The following CNTNAP4 variants were observed in gnomAD, a reference collection of about 807,000 sequenced individuals.
CNTNAP4 encodes contactin associated protein family member 4, also known as contactin-associated protein-like 4.
In CNTNAP4, 98 loss-of-function variants were observed where a neutral mutation model predicts 148.4. The ratio of observed to expected loss-of-function variants is 0.66; its 90% CI spans 0.56 to 0.78. The LOEUF is 0.78. Among genes scored for constraint, CNTNAP4 ranks in the 30% least tolerant of loss-of-function variants. The pLI is 0.00. For synonymous variants in CNTNAP4, 730 were observed against 565.1 expected (o/e 1.29, Z -4.14); for missense variants, 1,935 against 1,565.6 (o/e 1.24, Z -3.98).
chr16:76,372,400 G>T (rs754690680), intron 3 of CNTNAP4, among the ~76,000 whole-genome samples: 1 of 151,124 alleles, frequency 6.6e-6, no homozygotes, highest in Non-Finnish European at 1.5e-5. Flanking sequence ...TGCCCGCCTC[G>T]GCCTCCCAAA....
chr16:76,533,700 A>C (rs189855653), intron 17 of CNTNAP4, among the ~76,000 whole-genome samples: 155 of 152,254 alleles, frequency 1.0e-3, no homozygotes, highest in Middle Eastern at 3.4e-3. Context: ...GCAGAAGTAA[A>C]TGTAAATGTA....
Position 76,295,641 on chromosome 16 carries a change from A to G in CNTNAP4, c.85+17894A>G, listed in dbSNP as rs150401235. On this transcript the variant is annotated intron_variant, in intron 1 of 23. Coordinates refer to ENST00000611870, the MANE Select transcript of CNTNAP4 (RefSeq NM_033401.5). ...GGCAACAACAGAGTTGTTCCACATG[A>G]GCACGTAGGACTGACAGCACGTCAT... Among the ~76,000 whole-genome samples the G allele has an allele frequency of 2.1e-4, 32 of 152,296 alleles. No individual in the cohort carries two copies. In the East Asian group the frequency reaches 4.8e-3, roughly 23 times the overall value.
At chr16:76,362,801 T>G (rs2013598782) in intron 3 of CNTNAP4, among the ~76,000 whole-genome samples, 1 of 152,354 alleles carries the variant, frequency 6.6e-6, no homozygotes, top group South Asian at 2.1e-4. Context: ...TGTGAGGTAC[T>G]ATGCTTATTA....
chr16:76,546,720 A>G (rs975010480), intron 21 of CNTNAP4, among the ~76,000 whole-genome samples: 4 of 152,192 alleles, frequency 2.6e-5, no homozygotes, highest in African/African-American at 9.6e-5. Context: ...GTCTTCCTTG[A>G]AACTGGTCCC....
In CNTNAP4 at chr16:76,558,629, T is replaced by C. The variant is rs202017384; in HGVS notation, c.3873T>C (p.Ser1291=). 177 of 1,613,046 alleles carry C rather than the reference T, an allele frequency of 1.1e-4. 2 individuals are homozygous for C. In the South Asian group the frequency reaches 1.5e-3, roughly 14 times the overall value. ...ACAGTGCTGAGGCTGTTCTGAAAAG[T>C]GAGCTTAATATACAAAATGCAGTCA... ...NVDSAEAVLK[S]ELNIQNAVNE... The change falls in exon 24 of 24, where the codon AGT becomes AGC. Residue 1291 remains serine, a synonymous_variant. Coordinates refer to ENST00000611870, the MANE Select transcript of CNTNAP4 (RefSeq NM_033401.5).
intron 3 of CNTNAP4, among the ~76,000 whole-genome samples, chr16:76,373,065 CTG>C (rs748297508): frequency 2.3e-3 from 344 of 152,218 alleles, no homozygotes; most frequent in Non-Finnish European, 3.1e-3. Flanking sequence ...ACTGTACAAA[CTG>C]AGACTATGAG....
At chr16:76,308,368 C>T (rs946128433) in intron 1 of CNTNAP4, among the ~76,000 whole-genome samples, 1 of 152,190 alleles carries the variant, frequency 6.6e-6, no homozygotes, top group African/African-American at 2.4e-5. Flanking sequence ...TATTTCATCA[C>T]CTATGCTTAG....
In CNTNAP4 at chr16:76,413,237, A is replaced by T. The variant is rs189644180; in HGVS notation, c.391-14215A>T. On this transcript the variant is annotated intron_variant, in intron 3 of 23. Coordinates refer to ENST00000611870, the MANE Select transcript of CNTNAP4 (RefSeq NM_033401.5). Reference sequence around the variant, plus strand: ...TTGTTTGTACCCGTTAACCATCCCCACCTCCCTGCAAGCCCCCCACTACAC... The same window carrying T: ...TTGTTTGTACCCGTTAACCATCCCCTCCTCCCTGCAAGCCCCCCACTACAC... Among the ~76,000 whole-genome samples the T allele has an allele frequency of 2.0e-3, 305 of 150,872 alleles. 1 individual carries two copies. The highest frequency in any genetic ancestry group is 6.8e-3 in the Middle Eastern group (2 of 294).
At chr16:76,498,300 A>C (rs1302120294) in intron 14 of CNTNAP4, among the ~76,000 whole-genome samples, 1 of 152,154 alleles carries the variant, frequency 6.6e-6, no homozygotes, top group Non-Finnish European at 1.5e-5. Context: ...GCTGAGGCAC[A>C]AGAATGGATT....
At chr16:76,340,005 A>G (rs1205850752) in intron 2 of CNTNAP4, among the ~76,000 whole-genome samples, 1 of 152,196 alleles carries the variant, frequency 6.6e-6, no homozygotes, top group East Asian at 1.9e-4. Flanking sequence ...AAGAACATGT[A>G]TAATTCAAAT....
At chr16:76,523,534 A>G (rs2083578760) in intron 17 of CNTNAP4, among the ~76,000 whole-genome samples, 1 of 152,198 alleles carries the variant, frequency 6.6e-6, no homozygotes, top group African/African-American at 2.4e-5. Flanking sequence ...ATTCGTTTGT[A>G]GAAGTTATGG....
chr16:76,305,845 G>C (rs1293597940), intron 1 of CNTNAP4, among the ~76,000 whole-genome samples: 1 of 152,086 alleles, frequency 6.6e-6, no homozygotes, highest in Non-Finnish European at 1.5e-5. Context: ...AGTGTCAGCT[G>C]TTCCCATGTT....
chr16:76,541,218 G>A (rs1051447520), intron 21 of CNTNAP4, among the ~76,000 whole-genome samples: 4 of 152,196 alleles, frequency 2.6e-5, no homozygotes, highest in African/African-American at 9.7e-5. Flanking sequence ...TAGTTAATAT[G>A]TTTCAGGTTA....
chr16:76,413,021 A>C (rs1341409050), intron 3 of CNTNAP4, among the ~76,000 whole-genome samples: 2 of 151,364 alleles, frequency 1.3e-5, no homozygotes, highest in Non-Finnish European at 3.0e-5. Flanking sequence ...GGTATGTGAA[A>C]TGTTTTGATA....
At chr16:76,529,319 A>T (rs2083873489) in intron 17 of CNTNAP4, among the ~76,000 whole-genome samples, 1 of 152,078 alleles carries the variant, frequency 6.6e-6, no homozygotes, top group African/African-American at 2.4e-5. Flanking sequence ...TCTTCTAAAA[A>T]ATGTTTTAGG....
At chr16:76,323,573 T>C (rs1324870687) in intron 2 of CNTNAP4, among the ~76,000 whole-genome samples, 1 of 152,166 alleles carries the variant, frequency 6.6e-6, no homozygotes, top group African/African-American at 2.4e-5. Context: ...TAATATAGAA[T>C]CACTTCTATT....
At chr16:76,476,615 G>A (rs1023855853) in intron 11 of CNTNAP4, among the ~76,000 whole-genome samples, 1 of 152,188 alleles carries the variant, frequency 6.6e-6, no homozygotes, top group Non-Finnish European at 1.5e-5. Context: ...AGATCAAGAT[G>A]CCAGCAGATT....
At chr16:76,465,243 G>T (rs1597630520) in intron 9 of CNTNAP4, among the ~76,000 whole-genome samples, 1 of 152,126 alleles carries the variant, frequency 6.6e-6, no homozygotes, top group East Asian at 1.9e-4. Context: ...CCTATTTTAG[G>T]ACTTTCATCT....
rs762716596 is a variant in CNTNAP4 at position 76,476,017 on chromosome 16, T to C, written c.1734T>C (p.Thr578=). 2.6e-5 allele frequency: 42 copies of C among 1,613,006 alleles called. No homozygotes were observed. The highest frequency in any genetic ancestry group is 4.0e-5 in the African/African-American group (3 of 74,924). Reference sequence around the variant, plus strand: ...CCTTTCATTGTAACTGTACCAACACTGGTTACAGAGGAGCTACTTGCCATA... The same window carrying C: ...CCTTTCATTGTAACTGTACCAACACCGGTTACAGAGGAGCTACTTGCCATA... The part of the protein sequence containing the change: ...WSTFHCNCTN[T]GYRGATCHNS... Residue 578 remains threonine (T), a synonymous_variant, in exon 11 of 24, where the codon ACT becomes ACC. Transcript: ENST00000611870.
Sources: allele counts gnomAD v4.1 joint callset (sites outside exome capture counted in the v4.1 genomes callset), GRCh38; gene constraint gnomAD v4.1.1; transcripts MANE v1.5; gene names NCBI Gene and HGNC (gene_info 2026-07-23, HGNC 2026-07-21).